The following RALGAPA1 variants were observed in gnomAD, a reference collection of about 807,000 sequenced individuals.
RALGAPA1 encodes the protein Ral GTPase activating protein catalytic subunit alpha 1.
RALGAPA1 carries 52 observed loss-of-function variants against 269.6 expected under a neutral mutation model. That is an observed-to-expected ratio of 0.19 (90% CI 0.15 to 0.24). The LOEUF is 0.24. RALGAPA1 is among the 10% of genes least tolerant of loss of function. The probability of loss-of-function intolerance (pLI) is 1.00; values close to 1 mark genes in which losing one functional copy is unlikely to be tolerated. For synonymous variants in RALGAPA1, 817 were observed against 1,008.3 expected, an observed-to-expected ratio of 0.81 and a Z score of 3.60; for missense variants, 1,917 against 3,013.9, an observed-to-expected ratio of 0.64 and a Z score of 8.52.
At chr14:35,582,257 C>T (rs1338337234) in intron 37 of RALGAPA1, among the ~76,000 whole-genome samples, 2 of 152,090 alleles carry the variant, frequency 1.3e-5, no homozygotes, top group Non-Finnish European at 2.9e-5. Context: ...TACAAAGTTG[C>T]TGTTTGAAAA....
intron 37 of RALGAPA1, among the ~76,000 whole-genome samples, chr14:35,590,342 T>C (rs2058560969): frequency 6.6e-6 from 1 of 152,200 alleles, no homozygotes; most frequent in Admixed American, 6.5e-5. Flanking sequence ...TTCTAAAATG[T>C]AAACAAAAGG....
At chr14:35,656,875 C>A (rs2063209565) in intron 28 of RALGAPA1, among the ~76,000 whole-genome samples, 1 of 152,070 alleles carries the variant, frequency 6.6e-6, no homozygotes, top group Non-Finnish European at 1.5e-5. Flanking sequence ...ATATTTGTAG[C>A]ACTAAATAAC....
At position 35,784,833 on chromosome 14, in the gene RALGAPA1, T is replaced by C. The variant is rs1322060122; in HGVS notation, c.107-9088A>G. On this transcript the variant is annotated intron_variant, in intron 1 of 41. Coordinates refer to ENST00000680220, the MANE Select transcript of RALGAPA1 (RefSeq NM_001346249.2). ...TTACTAGTATACCATTATTACAGAA[T>C]ACAAAATAATGTTATTTTTTAATTG... 2.0e-5 allele frequency among the ~76,000 whole-genome samples: 3 copies of C among 152,172 alleles called. No individual in the cohort carries two copies. In the East Asian group the frequency reaches 5.8e-4, roughly 29 times the overall value.
rs35308714 is a variant in RALGAPA1 at position 35,566,867 on chromosome 14, T to TTATA, written c.7496+3746_7496+3749dup. Among the ~76,000 whole-genome samples the TTATA allele has an allele frequency of 6.5e-3, 940 of 145,224 alleles. 9 individuals are homozygous for TTATA. Among genetic ancestry groups the TTATA allele is most frequent in the African/African-American group, 0.022 (890 of 39,562 alleles). On this transcript the variant is annotated intron_variant, in intron 39 of 41. Transcript: ENST00000680220. ...CATTTAGAATATAGAACTTTGTACATTATATATATATATATATTTGTACTA... is the reference window on the plus strand; with the variant it reads ...CATTTAGAATATAGAACTTTGTACATTATATATATATATATATATATTTGTACTA...
intron 16 of RALGAPA1, among the ~76,000 whole-genome samples, chr14:35,713,106 T>A (rs976539786): frequency 3.3e-5 from 5 of 152,218 alleles, no homozygotes; most frequent in Non-Finnish European, 1.5e-5. Context: ...TTGAAATTAT[T>A]CTCAATATCA....
chr14:35,797,214 C>T (rs1248997151), intron 1 of RALGAPA1, among the ~76,000 whole-genome samples: 6 of 151,430 alleles, frequency 4.0e-5, no homozygotes, highest in Admixed American at 3.9e-4. Context: ...ATTAGCTGGG[C>T]GTGGTGGTGC....
intron 10 of RALGAPA1, among the ~76,000 whole-genome samples, chr14:35,745,428 C>CACAG (rs906780372): frequency 2.9e-5 from 4 of 139,680 alleles, no homozygotes; most frequent in African/African-American, 1.3e-4. Context: ...GACAGACACA[C>CACAG]ACACACACAC....
chr14:35,805,150 G>A (rs139432729), intron 1 of RALGAPA1, among the ~76,000 whole-genome samples: 53 of 151,808 alleles, frequency 3.5e-4, no homozygotes, highest in Middle Eastern at 3.4e-3. Flanking sequence ...AAGGCGGGGC[G>A]CCGTGGCTCA....
chr14:35,591,288 C>CCATGTATG (rs1555366468), intron 37 of RALGAPA1, among the ~76,000 whole-genome samples: 1 of 150,056 alleles, frequency 6.7e-6, no homozygotes, highest in South Asian at 2.1e-4. Flanking sequence ...ATTTTAAGTG[C>CCATGTATG]TATGTATGTA....
chr14:35,593,286 G>A (rs1024210454), intron 37 of RALGAPA1, among the ~76,000 whole-genome samples: 2 of 151,866 alleles, frequency 1.3e-5, no homozygotes, highest in Admixed American at 1.3e-4. Flanking sequence ...TAACCAAGGA[G>A]GTGAAAGATT....
chr14:35,648,016 G>A (rs1020263472), intron 31 of RALGAPA1, among the ~76,000 whole-genome samples: 2 of 151,860 alleles, frequency 1.3e-5, no homozygotes, highest in South Asian at 4.2e-4. Flanking sequence ...GAAGGCTCAC[G>A]CCTGTAAACC....
intron 30 of RALGAPA1, 29 bp from the exon 31 acceptor site, chr14:35,651,902 G>T: frequency 6.4e-7 from 1 of 1,560,570 alleles, no homozygotes; most frequent in Non-Finnish European, 8.7e-7. Context: ...TTTTTTAAAA[G>T]CTCTATATAT....
intron 39 of RALGAPA1, among the ~76,000 whole-genome samples, chr14:35,550,071 G>T (rs1226928132): frequency 1.3e-5 from 2 of 152,152 alleles, no homozygotes; most frequent in African/African-American, 4.8e-5. Context: ...CCCACTCCAG[G>T]CTTCCTGTTT....
At chr14:35,702,489 T>C (rs1334893354) in intron 16 of RALGAPA1, among the ~76,000 whole-genome samples, 1 of 152,118 alleles carries the variant, frequency 6.6e-6, no homozygotes, top group Non-Finnish European at 1.5e-5. Context: ...ACAACCCATA[T>C]ACAAAATGTC....
At chr14:35,688,156 G>GA (rs1376206321) in intron 18 of RALGAPA1, among the ~76,000 whole-genome samples, 2 of 152,146 alleles carry the variant, frequency 1.3e-5, no homozygotes, top group African/African-American at 4.8e-5. Flanking sequence ...TATACACTCA[G>GA]AAAAATACTT....
chr14:35,572,377 T>G (rs1413604371), intron 38 of RALGAPA1, among the ~76,000 whole-genome samples, 183 bp downstream of exon 38: 1 of 152,208 alleles, frequency 6.6e-6, no homozygotes, highest in Admixed American at 6.5e-5. Flanking sequence ...CTATTTATTC[T>G]GTTTTAGCTC....
At chr14:35,555,898 G>A (rs1275664240) in intron 39 of RALGAPA1, among the ~76,000 whole-genome samples, 1 of 152,118 alleles carries the variant, frequency 6.6e-6, no homozygotes, top group Admixed American at 6.5e-5. Context: ...TTTTAGTTAT[G>A]TCAAAATAAT....
At chr14:35,590,386 T>A (rs2058562815) in intron 37 of RALGAPA1, among the ~76,000 whole-genome samples, 1 of 152,218 alleles carries the variant, frequency 6.6e-6, no homozygotes, top group South Asian at 2.1e-4. Context: ...TGCCTTTGTG[T>A]CCCCAACCAA....
At chr14:35,724,296 C>A (rs1232333255) in intron 14 of RALGAPA1, among the ~76,000 whole-genome samples, 2 of 151,956 alleles carry the variant, frequency 1.3e-5, no homozygotes, top group African/African-American at 4.8e-5. Context: ...AGGTAAATGG[C>A]TAATATATGA....
Sources: gnomAD v4.1 joint callset for allele counts (sites outside exome capture counted in the v4.1 genomes callset) on GRCh38, gnomAD v4.1.1 for gene constraint, MANE v1.5 for transcripts, NCBI Gene and HGNC (gene_info 2026-07-23, HGNC 2026-07-21) for gene names.